Variants in AP1S2 observed in about 807,000 individuals in gnomAD.
The protein encoded by AP1S2 is adaptor related protein complex 1 subunit sigma 2, also known as AP-1 complex subunit sigma-2.
A neutral mutation model predicts 14.3 loss-of-function variants in AP1S2; 1 was observed. The observed-to-expected ratio is 0.07, with a 90% CI of 0.02 to 0.33. The LOEUF is 0.33. Among genes scored for constraint, AP1S2 ranks in the 10% least tolerant of loss-of-function variants. The probability of loss-of-function intolerance (pLI) is 0.99; values close to 1 mark genes in which losing one functional copy is unlikely to be tolerated. For missense variants in AP1S2, 30 were observed against 117.7 expected (o/e 0.25, Z 3.45); for synonymous variants, 30 against 40.5 (o/e 0.74, Z 0.99).
At position 15,826,153 on chromosome X, in the gene AP1S2, A is replaced by G. The variant is rs1036577479; in HGVS notation, c.*1172T>C. 1.6e-4 allele frequency: 18 copies of G among 112,466 alleles called. No homozygotes were observed. Among genetic ancestry groups the G allele is most frequent in the Admixed American group, 1.1e-3 (12 of 10,616 alleles). The allele number at this position is 112,466 out of a possible 1,213,427, so 9.3% of individuals were successfully genotyped here. On this transcript the variant is annotated 3_prime_UTR_variant, in exon 6 of 6. Coordinates refer to ENST00000672987, the MANE Select transcript of AP1S2 (RefSeq NM_001272071.2). Reference sequence around the variant, plus strand: ...GGCCTGAATGTTGGTCACAATCACAACAAAGCTTAATCCAGCCCAGCATAT... The same window carrying G: ...GGCCTGAATGTTGGTCACAATCACAGCAAAGCTTAATCCAGCCCAGCATAT...
chrX:15,845,074 C>G (rs916761402), intron 4 of AP1S2: 1 of 751,940 alleles, frequency 1.3e-6, no homozygotes, highest in African/African-American at 2.3e-5. Flanking sequence ...CTGCTACTTT[C>G]AGCCAATCTT....
chrX:15,847,315 A>T (rs1026859695), intron 2 of AP1S2, among the ~76,000 whole-genome samples: 5 of 70,063 alleles, frequency 7.1e-5, no homozygotes, highest in African/African-American at 1.8e-4. Flanking sequence ...ATCACAGATT[A>T]AAAAAAGACA....
intron 4 of AP1S2, chrX:15,830,389 G>A (rs1247803740): frequency 1.3e-6 from 1 of 749,192 alleles, no homozygotes; most frequent in African/African-American, 2.3e-5. Flanking sequence ...ATTACAGTGA[G>A]AATGTTAAGA....
In AP1S2 at chrX:15,835,180, CA is replaced by C. The variant is rs746682583; in HGVS notation, c.427-6981del. 2.2e-4 allele frequency among the ~76,000 whole-genome samples: 25 copies of C among 112,098 alleles called. No homozygotes were observed. The East Asian group carries it at 6.7e-3, about 30-fold the overall frequency. On this transcript the variant is annotated intron_variant, in intron 4 of 5. Transcript: ENST00000672987. Reference sequence around the variant, plus strand: ...ACTCCTGATTCTCTTTCTAGTAGTACAATGTGGTAAAAGAAAATAATTTACA... The same window carrying C: ...ACTCCTGATTCTCTTTCTAGTAGTACATGTGGTAAAAGAAAATAATTTACA...
chrX:15,844,986 ACTC>A, intron 4 of AP1S2: 1 of 748,200 alleles, frequency 1.3e-6, no homozygotes, highest in Non-Finnish European at 1.6e-6. Flanking sequence ...CTCATAGTCA[ACTC>A]CTGATTATCT....
chrX:15,827,940 A>G (rs1276597509), intron 5 of AP1S2, among the ~76,000 whole-genome samples: 2 of 111,639 alleles, frequency 1.8e-5, no homozygotes, highest in Admixed American at 9.6e-5. Context: ...CCATGGGCCA[A>G]AGGCATTTTT....
intron 1 of AP1S2, 41 bp downstream of exon 1, chrX:15,854,647 T>TC: frequency 2.1e-5 from 11 of 528,623 alleles, no homozygotes; most frequent in Non-Finnish European, 2.3e-5. Flanking sequence ...CCTCCCCCTC[T>TC]CCCCCATCCC....
At chrX:15,847,761 A>G (rs1934043473) in intron 2 of AP1S2, among the ~76,000 whole-genome samples, 2 of 112,423 alleles carry the variant, frequency 1.8e-5, no homozygotes, top group Admixed American at 9.4e-5. Context: ...TAAATGACAC[A>G]TAAGATTCCC....
rs200662353 is a variant in AP1S2, at chrX:15,827,301, G to T, written c.*24C>A. 8.4e-6 allele frequency: 10 copies of T among 1,185,047 alleles called. No homozygotes were observed. Among genetic ancestry groups the T allele is most frequent in the Non-Finnish European group, 1.1e-5 (10 of 872,337 alleles). ...ATCTACAGTGTGTGAAATGCCACAA[G>T]AAGTCATCAACAAGGGAGGAGAGTT... On this transcript the variant is annotated 3_prime_UTR_variant, in exon 6 of 6. Transcript: ENST00000672987.
At chrX:15,842,108 G>A (rs372865390) in intron 4 of AP1S2, among the ~76,000 whole-genome samples, 3 of 111,976 alleles carry the variant, frequency 2.7e-5, no homozygotes, top group Admixed American at 9.5e-5. Context: ...GCACTCAAGC[G>A]TTAGTTACCA....
In AP1S2 at chrX:15,846,016, A is replaced by G. The variant is rs192172204; in HGVS notation, c.180-5T>C. The G allele has an allele frequency of 9.9e-6, 11 of 1,114,083 alleles. No homozygotes were observed. The highest frequency in any genetic ancestry group is 1.4e-5 in the Non-Finnish European group (11 of 807,563). 91.8% of individuals were successfully genotyped at this position (1,114,083 alleles called of 1,213,427 possible). A position where few individuals can be genotyped will look rare whatever the true frequency, so the allele number is the denominator to read the frequency against. On this transcript the variant is annotated splice_polypyrimidine_tract_variant and splice_region_variant and intron_variant, in intron 2 of 5. Transcript: ENST00000672987. ...CAAAAATACAGACTAGCATATCTGT[A>G]ACAAAGTACAAATGTGAAAAAAACT...
intron 4 of AP1S2, among the ~76,000 whole-genome samples, chrX:15,834,732 G>C (rs1933578454): frequency 1.0e-5 from 1 of 99,711 alleles, no homozygotes; most frequent in Admixed American, 1.1e-4. Flanking sequence ...TGATCCACCC[G>C]CCTCAGCCTC....
chrX:15,851,599 T>A (rs1415119925), intron 2 of AP1S2, among the ~76,000 whole-genome samples: 1 of 112,602 alleles, frequency 8.9e-6, no homozygotes, highest in African/African-American at 3.2e-5. Context: ...TTAACCTACT[T>A]AGAACAATCT....
chrX:15,838,991 G>A (rs182117377), intron 4 of AP1S2, among the ~76,000 whole-genome samples: 1 of 111,419 alleles, frequency 9.0e-6, no homozygotes, highest in East Asian at 2.8e-4. Flanking sequence ...CAAGTGATCC[G>A]CTTGCCTCAG....
chrX:15,854,673 C>T lies in AP1S2; in HGVS notation c.-1+15G>A. On this transcript the variant is annotated intron_variant, in intron 1 of 5. Transcript: ENST00000672987. ...CCCCCATCCCCGGCGCCCCCTTTCG[C>T]CCCCAGGGACTTACGGCGGCCGCGG... is the stretch of plus-strand genomic sequence containing the variant. 14 of 707,286 alleles carry T rather than the reference C, an allele frequency of 2.0e-5. No homozygotes were observed. The highest frequency in any genetic ancestry group is 2.4e-5 in the Non-Finnish European group (14 of 593,958). The allele number at this position is 707,286 out of a possible 1,213,427, so 58.3% of individuals were successfully genotyped here. A position where few individuals can be genotyped will look rare whatever the true frequency, so the allele number is the denominator to read the frequency against.
Position 15,827,183 on chromosome X carries a change from G to T in AP1S2, c.*142C>A. On this transcript the variant is annotated 3_prime_UTR_variant, in exon 6 of 6. Transcript: ENST00000672987. Reference sequence around the variant, plus strand: ...TAAAGTTCCCTTTTAAAAAAAAATTGTGTAGGCATGAATGAAGCGGCTTAG... The same window carrying T: ...TAAAGTTCCCTTTTAAAAAAAAATTTTGTAGGCATGAATGAAGCGGCTTAG... 1.7e-6 allele frequency: 1 copy of T among 590,099 alleles called. No individual in the cohort carries two copies. The highest frequency in any genetic ancestry group is 2.9e-6 in the Non-Finnish European group (1 of 342,913). 48.6% of individuals were successfully genotyped at this position (590,099 alleles called of 1,213,427 possible). A position where few individuals can be genotyped will look rare whatever the true frequency, so the allele number is the denominator to read the frequency against.
intron 4 of AP1S2, among the ~76,000 whole-genome samples, chrX:15,841,831 C>T (rs1204154494): frequency 9.0e-6 from 1 of 111,551 alleles, no homozygotes; most frequent in South Asian, 3.7e-4. Context: ...TAAAACAGAA[C>T]GTTTAAAATA....
At chrX:15,828,874 ATCTGAT>A (rs1933343875) in intron 4 of AP1S2, among the ~76,000 whole-genome samples, 1 of 111,862 alleles carries the variant, frequency 8.9e-6, no homozygotes, top group Non-Finnish European at 1.9e-5. Flanking sequence ...CTTGGTTGGA[ATCTGAT>A]TCTAACAAAC....
chrX:15,836,071 T>C (rs747167886), intron 4 of AP1S2, among the ~76,000 whole-genome samples: 13 of 112,118 alleles, frequency 1.2e-4, no homozygotes, highest in African/African-American at 3.9e-4. Context: ...ATCAGTTTCA[T>C]GTATGGTTGT....
Sources: gnomAD v4.1 joint callset for allele counts (sites outside exome capture counted in the v4.1 genomes callset) on GRCh38, gnomAD v4.1.1 for gene constraint, MANE v1.5 for transcripts, NCBI Gene and HGNC (gene_info 2026-07-23, HGNC 2026-07-21) for gene names.